Variants in FAT3 observed in about 807,000 individuals in gnomAD.
FAT3 encodes the protein protocadherin Fat 3.
FAT3 carries 95 observed loss-of-function variants against 310.2 expected under a neutral mutation model. The ratio of observed to expected loss-of-function variants is 0.31; its 90% CI spans 0.26 to 0.36. FAT3 has a LOEUF of 0.36. FAT3 is among the 10% of genes least tolerant of loss of function. The probability of loss-of-function intolerance (pLI) is 1.00; values close to 1 mark genes in which losing one functional copy is unlikely to be tolerated. For missense variants in FAT3, 5,408 were observed against 5,715.6 expected (o/e 0.95, Z 1.74); for synonymous variants, 2,314 against 2,192.9 (o/e 1.06, Z -1.54).
chr11:92,327,643 T>C (rs367562128), intron 1 of FAT3, among the ~76,000 whole-genome samples: 44 of 152,306 alleles, frequency 2.9e-4, no homozygotes, highest in African/African-American at 1.0e-3. Flanking sequence ...TCAGACATCA[T>C]TGACTCCACA....
chr11:92,871,181 C>T (rs369309782), intron 22 of FAT3, among the ~76,000 whole-genome samples: 1 of 152,156 alleles, frequency 6.6e-6, no homozygotes, highest in African/African-American at 2.4e-5. Context: ...TTTCCCAAAA[C>T]AGTGTGTAGT....
chr11:92,803,559 G>C (rs944916596), intron 10 of FAT3, among the ~76,000 whole-genome samples: 1 of 152,192 alleles, frequency 6.6e-6, no homozygotes, highest in African/African-American at 2.4e-5. Flanking sequence ...GGACCCTGAA[G>C]CTCCCTAGAG....
In FAT3 at chr11:92,831,702, A is replaced by T. The variant is rs1315264590; in HGVS notation, c.9562A>T (p.Ile3188Phe). 6.2e-7 allele frequency: 1 copy of T among 1,613,426 alleles called. No homozygotes were observed. The highest frequency in any genetic ancestry group is 1.1e-5 in the South Asian group (1 of 90,954). ...FSIDSSSGII[I>F]LEQPLDREQQ... ...CATTGACAGCTCATCTGGCATCATC[A>T]TCCTGGAGCAGCCACTGGACCGTGA... Residue 3188 changes from isoleucine (I) to phenylalanine (F), a missense_variant, in exon 14 of 28, where the codon ATC becomes TTC. Transcript: ENST00000525166.
At chr11:92,241,732 T>A (rs1864675415) in intron 1 of FAT3, among the ~76,000 whole-genome samples, 1 of 152,078 alleles carries the variant, frequency 6.6e-6, no homozygotes, top group South Asian at 2.1e-4. Flanking sequence ...TATTTATTTA[T>A]CAGTCATTAG....
intron 2 of FAT3, among the ~76,000 whole-genome samples, chr11:92,514,415 A>C (rs533029506): frequency 1.1e-4 from 16 of 152,314 alleles, no homozygotes; most frequent in African/African-American, 3.8e-4. Flanking sequence ...TGACATTTTT[A>C]TAAACATCAG....
chr11:92,508,372 A>C (rs992300084), intron 2 of FAT3, among the ~76,000 whole-genome samples: 1 of 152,134 alleles, frequency 6.6e-6, no homozygotes, highest in Admixed American at 6.6e-5. Context: ...AAATTACTGA[A>C]GGCTGTTACT....
chr11:92,290,243 A>G (rs1946656836), intron 1 of FAT3, among the ~76,000 whole-genome samples: 1 of 151,984 alleles, frequency 6.6e-6, no homozygotes, highest in Admixed American at 6.6e-5. Context: ...TTGACTTTAT[A>G]TATTACGGTT....
Position 92,491,493 on chromosome 11 carries a change from A to G in FAT3, c.3293-33141A>G, listed in dbSNP as rs558259682. ...GGATACTACAACTGGGATTTTGAAGATAATTTAAAATTCTCCAAGCAGACA... is the reference window on the plus strand; with the variant it reads ...GGATACTACAACTGGGATTTTGAAGGTAATTTAAAATTCTCCAAGCAGACA... On this transcript the variant is annotated intron_variant, in intron 2 of 27. Coordinates refer to ENST00000525166, the MANE Select transcript of FAT3 (RefSeq NM_001367949.2). Among the ~76,000 whole-genome samples the G allele has an allele frequency of 2.0e-5, 3 of 152,130 alleles. No homozygotes were observed. The East Asian group carries it at 5.9e-4, about 30-fold the overall frequency.
At chr11:92,245,720 G>A (rs1295336755) in intron 1 of FAT3, among the ~76,000 whole-genome samples, 1 of 152,024 alleles carries the variant, frequency 6.6e-6, no homozygotes, top group Non-Finnish European at 1.5e-5. Context: ...TGAATGAAGG[G>A]GCATGGTTAT....
At chr11:92,567,606 A>G (rs977387069) in intron 3 of FAT3, among the ~76,000 whole-genome samples, 4 of 151,874 alleles carry the variant, frequency 2.6e-5, no homozygotes, top group African/African-American at 2.4e-5. Flanking sequence ...TTGCGGCACT[A>G]TTCACAATAG....
intron 10 of FAT3, among the ~76,000 whole-genome samples, chr11:92,802,376 G>T (rs1947386271): frequency 6.6e-6 from 1 of 152,106 alleles, no homozygotes; most frequent in African/African-American, 2.4e-5. Context: ...CACATTAGAT[G>T]GAATGGTTTG....
chr11:92,532,266 A>C (rs141933295), intron 3 of FAT3, among the ~76,000 whole-genome samples: 282 of 152,310 alleles, frequency 1.9e-3, no homozygotes, highest in African/African-American at 6.3e-3. Flanking sequence ...TATTACCATT[A>C]GGATGTACCC....
Position 92,866,994 on chromosome 11 carries a change from C to G in FAT3, c.11912C>G (p.Thr3971Ser), listed in dbSNP as rs1328006787. 6.2e-7 allele frequency: 1 copy of G among 1,608,950 alleles called. No homozygotes were observed. The highest frequency in any genetic ancestry group is 1.3e-5 in the African/African-American group (1 of 74,998). Residue 3971 changes from threonine to serine, a missense_variant, in exon 22 of 28, where the codon ACT (threonine) becomes AGT (serine). This residue lies in a region of FAT3 where 4,588 missense variants were observed against 4,809.8 expected (regional missense o/e 0.95). Transcript: ENST00000525166. ...LVQADNIRSL[T>S]DTRVTQVLSG... Reference sequence around the variant, plus strand: ...CAAGCGGATAACATCCGCAGCCTGACTGACACGCGGGTCACGCAGGTGCTC... The same window carrying G: ...CAAGCGGATAACATCCGCAGCCTGAGTGACACGCGGGTCACGCAGGTGCTC...
intron 1 of FAT3, among the ~76,000 whole-genome samples, chr11:92,240,547 C>T (rs1417644890): frequency 7.1e-6 from 1 of 140,170 alleles, no homozygotes; most frequent in Non-Finnish European, 1.5e-5. Flanking sequence ...CTTGCAAGCA[C>T]AATTACTTGA....
Position 92,834,966 on chromosome 11 carries a change from C to T in FAT3, c.9968C>T (p.Ala3323Val). The T allele has an allele frequency of 6.2e-7, 1 of 1,613,422 alleles. No individual in the cohort carries two copies. Residue 3323 changes from alanine to valine, a missense_variant, in exon 15 of 28, where the codon GCT becomes GTT. By Grantham distance (64) the Ala-to-Val change is moderately conservative. Around this residue, in one of 5 missense-constraint regions of FAT3, gnomAD observed 4,588 missense variants for 4,809.8 expected, o/e 0.95. Coordinates refer to ENST00000525166, the MANE Select transcript of FAT3 (RefSeq NM_001367949.2). ...GATGGGGGCACCCCAGCTCTCAGCG[C>T]TGTGGCCACTGTCAACATCAACCTC... ...AKDGGTPALS[A>V]VATVNINLTD...
chr11:92,401,401 G>T (rs1950010152), intron 2 of FAT3, among the ~76,000 whole-genome samples: 1 of 152,132 alleles, frequency 6.6e-6, no homozygotes, highest in African/African-American at 2.4e-5. Flanking sequence ...ATCTCTAGGA[G>T]GAAAGACTTC....
intron 2 of FAT3, among the ~76,000 whole-genome samples, chr11:92,417,646 T>C (rs999957717): frequency 6.6e-6 from 1 of 151,962 alleles, no homozygotes; most frequent in Non-Finnish European, 1.5e-5. Flanking sequence ...AGGGAAAAAA[T>C]ACACAATGGA....
At chr11:92,501,734 C>A (rs911126030) in intron 2 of FAT3, among the ~76,000 whole-genome samples, 1 of 151,990 alleles carries the variant, frequency 6.6e-6, no homozygotes, top group Non-Finnish European at 1.5e-5. Flanking sequence ...AGGGAAGCAA[C>A]ATGTGCCAGT....
At chr11:92,405,326 A>G (rs1950114894) in intron 2 of FAT3, among the ~76,000 whole-genome samples, 1 of 152,166 alleles carries the variant, frequency 6.6e-6, no homozygotes, top group Non-Finnish European at 1.5e-5. Context: ...TTACAACAGC[A>G]TCTGCTGCAA....
Sources: gnomAD v4.1 joint callset for allele counts (sites outside exome capture counted in the v4.1 genomes callset) on GRCh38, gnomAD v4.1.1 for gene constraint, gnomAD v4.1.1 regional missense constraint, MANE v1.5 for transcripts, NCBI Gene and HGNC (gene_info 2026-07-23, HGNC 2026-07-21) for gene names.